Variants in ERMARD observed in about 807,000 individuals in gnomAD.
ERMARD encodes endoplasmic reticulum membrane-associated RNA degradation protein.
A neutral mutation model predicts 83.9 loss-of-function variants in ERMARD; 71 were observed. That is an observed-to-expected ratio of 0.85 (90% confidence interval 0.70 to 1.03). ERMARD has a LOEUF of 1.03. ERMARD is among the 50% of genes least tolerant of loss of function. The pLI is 0.00. For synonymous variants in ERMARD, 284 were observed against 298.6 expected (o/e 0.95, Z 0.50); for missense variants, 838 against 810.9 (o/e 1.03, Z -0.41).
Position 169,759,067 on chromosome 6 carries a change from T to A in ERMARD, c.605+2T>A, listed in dbSNP as rs774329557. 1 of 1,612,700 alleles carries A rather than the reference T, an allele frequency of 6.2e-7. No individual in the cohort carries two copies. The highest frequency in any genetic ancestry group is 8.5e-7 in the Non-Finnish European group (1 of 1,179,256). ...GTCACCTGAAGAAATTCCTCCAAAG[T>A]AAGTTGCAAGTGAAGACATTTTCTT... is the stretch of plus-strand genomic sequence containing the variant. On this transcript the variant is annotated splice_donor_variant, in intron 6 of 17. Transcript: ENST00000366773. LOFTEE classifies it high-confidence loss of function.
intron 9 of ERMARD, among the ~76,000 whole-genome samples, chr6:169,765,620 AG>A (rs1792100210): frequency 1.3e-5 from 2 of 152,246 alleles, no homozygotes; most frequent in African/African-American, 4.8e-5. Context: ...AGGGAATTTT[AG>A]GGCTAGCAAT....
At chr6:169,759,644 A>C (rs976672789) in intron 6 of ERMARD, among the ~76,000 whole-genome samples, 194 bp from the exon 7 acceptor site, 1 of 151,816 alleles carries the variant, frequency 6.6e-6, no homozygotes, top group Admixed American at 6.6e-5. Context: ...CTGGTCTCAG[A>C]CTCCTGAGCT....
At chr6:169,771,608 C>T (rs895035745) in intron 12 of ERMARD, 1 of 152,178 alleles carries the variant, frequency 6.6e-6, no homozygotes, top group Non-Finnish European at 1.5e-5. Context: ...TTCAGGGACA[C>T]AGGTTCTCCC....
intron 10 of ERMARD, 103 bp from the exon 11 acceptor site, chr6:169,768,000 G>C (rs536522296): frequency 5.6e-6 from 5 of 889,172 alleles, no homozygotes; most frequent in East Asian, 2.5e-5. Flanking sequence ...TTAGACCTTA[G>C]ATAACAAGTT....
chr6:169,775,444 G>A, intron 14 of ERMARD, 98 bp downstream of exon 14: 1 of 1,365,258 alleles, frequency 7.3e-7, no homozygotes, highest in Non-Finnish European at 1.0e-6. Context: ...AAGATAAAAG[G>A]GGAAGGAGGA....
chr6:169,778,464 C>T (rs1793840420), intron 16 of ERMARD, among the ~76,000 whole-genome samples: 1 of 152,176 alleles, frequency 6.6e-6, no homozygotes, highest in Non-Finnish European at 1.5e-5. Flanking sequence ...AGCAGATTAA[C>T]AGCATTATGG....
chr6:169,751,356 T>A, upstream of ERMARD: 1 of 1,614,066 alleles, frequency 6.2e-7, no homozygotes. Context: ...TTCTCGAACA[T>A]GCTAGGCCTC....
At chr6:169,773,463 C>T in intron 13 of ERMARD, 61 bp downstream of exon 13, 1 of 1,526,382 alleles carries the variant, frequency 6.6e-7, no homozygotes, top group Non-Finnish European at 9.1e-7. Context: ...CTGTCTTCTG[C>T]AGAGATGCTG....
Position 169,775,321 on chromosome 6 carries a change from G to T in ERMARD, c.1369G>T (p.Glu457Ter), listed in dbSNP as rs376417698. 1 of 1,613,908 alleles carries T rather than the reference G, an allele frequency of 6.2e-7. No individual in the cohort carries two copies. Among genetic ancestry groups the T allele is most frequent in the South Asian group, 1.1e-5 (1 of 91,072 alleles). Residue 457 changes from glutamate (E) to a stop codon, truncating the protein, a stop_gained, in exon 14 of 18, where the codon GAA becomes TAA. Transcript: ENST00000366773. LOFTEE classifies it high-confidence loss of function. The stretch of plus-strand genomic sequence containing the variant: ...GGTTTGGGCTCTGCTGCCTTTCCCC[G>T]AAGAACTCACTCGGCAAGCCGTCAG... Reference protein sequence around the residue: ...IRVWALLPFPEELTRQAVRLE... With the variant: ...IRVWALLPFP
chr6:169,751,388 G>C, upstream of ERMARD: 1 of 1,614,134 alleles, frequency 6.2e-7, no homozygotes, highest in Non-Finnish European at 8.5e-7. Context: ...AGGCGTCACC[G>C]GAGCCTGCTG....
intron 9 of ERMARD, among the ~76,000 whole-genome samples, 185 bp from the exon 10 acceptor site, chr6:169,766,453 G>A (rs376720751): frequency 6.6e-5 from 10 of 152,260 alleles, no homozygotes; most frequent in South Asian, 4.1e-4. Context: ...GTGTTTTTGC[G>A]TCTTTTGTAA....
In ERMARD at chr6:169,775,330, A is replaced by G. The variant is rs149969888; in HGVS notation, c.1378A>G (p.Thr460Ala). ...WALLPFPEEL[T>A]RQAVRLEDNS... ...TCTGCTGCCTTTCCCCGAAGAACTC[A>G]CTCGGCAAGCCGTCAGGTGCGTGGC... Residue 460 changes from threonine to alanine, a missense_variant, in exon 14 of 18, where the codon ACT becomes GCT. Physicochemically the swap from Thr to Ala is moderately conservative, Grantham distance 58. Transcript: ENST00000366773. 3.7e-6 allele frequency: 6 copies of G among 1,614,066 alleles called. No homozygotes were observed. Among genetic ancestry groups the G allele is most frequent in the Non-Finnish European group, 4.2e-6 (5 of 1,179,958 alleles).
intron 5 of ERMARD, among the ~76,000 whole-genome samples, chr6:169,757,886 T>C (rs999929206): frequency 3.5e-4 from 54 of 152,266 alleles, no homozygotes; most frequent in African/African-American, 1.3e-3. Context: ...CAAACACATT[T>C]TGTTTCTTCG....
chr6:169,769,458 C>G, intron 11 of ERMARD, 82 bp from the exon 12 acceptor site: 3 of 1,351,368 alleles, frequency 2.2e-6, no homozygotes, highest in Non-Finnish European at 3.0e-6. Flanking sequence ...TGGATGCACT[C>G]TTTCCTTCTA....
At chr6:169,763,051 T>G (rs1309939819) in intron 9 of ERMARD, among the ~76,000 whole-genome samples, 1 of 152,176 alleles carries the variant, frequency 6.6e-6, no homozygotes, top group East Asian at 1.9e-4. Context: ...CACAGCTGTC[T>G]CAGAGTTCCA....
At chr6:169,767,780 C>CACACAG (rs1185340700) in intron 10 of ERMARD, 23 of 351,748 alleles carry the variant, frequency 6.5e-5, no homozygotes, top group African/African-American at 4.2e-4. Context: ...CACACACACA[C>CACACAG]AGGCACAGTT....
upstream of ERMARD, chr6:169,751,429 C>T (rs751062347): frequency 1.2e-6 from 2 of 1,614,128 alleles, no homozygotes. Flanking sequence ...GGATGGGGCT[C>T]GACTTCACGC....
chr6:169,775,204 TA>T, intron 13 of ERMARD, 65 bp from the exon 14 acceptor site: 1 of 1,532,820 alleles, frequency 6.5e-7, no homozygotes, highest in Non-Finnish European at 9.0e-7. Context: ...GTAACATCCA[TA>T]AAAACACAGA....
At chr6:169,761,328 C>T (rs1488239085) in intron 8 of ERMARD, among the ~76,000 whole-genome samples, 1 of 152,064 alleles carries the variant, frequency 6.6e-6, no homozygotes, top group South Asian at 2.1e-4. Context: ...GCAGTCCTCC[C>T]ACCTCAGCCT....
Sources: gnomAD v4.1 joint callset for allele counts (sites outside exome capture counted in the v4.1 genomes callset) on GRCh38, gnomAD v4.1.1 for gene constraint, MANE v1.5 for transcripts, NCBI Gene and HGNC (gene_info 2026-07-23, HGNC 2026-07-21) for gene names.